Variants in ASIC2 observed in about 807,000 individuals in gnomAD.
The protein encoded by ASIC2 is acid-sensing ion channel 2.
A neutral mutation model predicts 57.3 loss-of-function variants in ASIC2; 25 were observed. The observed-to-expected ratio is 0.44, with a 90% CI of 0.32 to 0.61. ASIC2 has a LOEUF of 0.61. Ranked by LOEUF, ASIC2 falls within the 20% of genes least tolerant of loss-of-function variation. The probability of loss-of-function intolerance (pLI) is 0.06; values close to 1 mark genes in which losing one functional copy is unlikely to be tolerated. For missense variants in ASIC2, 641 were observed against 738.1 expected (o/e 0.87, Z 1.52); for synonymous variants, 319 against 307.5 (o/e 1.04, Z -0.39).
chr17:33,924,059 T>A (rs1874739523), intron 1 of ASIC2, among the ~76,000 whole-genome samples: 1 of 152,232 alleles, frequency 6.6e-6, no homozygotes, highest in African/African-American at 2.4e-5. Flanking sequence ...TCTCTTTATT[T>A]CTGTTTCCTC....
At chr17:33,073,794 C>G (rs1209680537) in intron 3 of ASIC2, among the ~76,000 whole-genome samples, 1 of 152,170 alleles carries the variant, frequency 6.6e-6, no homozygotes, top group Non-Finnish European at 1.5e-5. Context: ...TCATCGGAAG[C>G]TGCTTTACCC....
At chr17:33,450,597 T>C (rs1912209642) in intron 1 of ASIC2, among the ~76,000 whole-genome samples, 1 of 152,220 alleles carries the variant, frequency 6.6e-6, no homozygotes, top group African/African-American at 2.4e-5. Flanking sequence ...CAATAAACAA[T>C]ATGAGTGTAC....
At chr17:34,025,470 T>A (rs1907341101) in intron 1 of ASIC2, among the ~76,000 whole-genome samples, 1 of 152,176 alleles carries the variant, frequency 6.6e-6, no homozygotes, top group Non-Finnish European at 1.5e-5. Flanking sequence ...CGACCTTGCA[T>A]AAACATTCAG....
At chr17:33,163,494 G>T (rs1460218276) in intron 1 of ASIC2, among the ~76,000 whole-genome samples, 1 of 151,972 alleles carries the variant, frequency 6.6e-6, no homozygotes, top group East Asian at 1.9e-4. Flanking sequence ...TCCTGCCACT[G>T]CTGATGGGGG....
chr17:33,274,854 T>C (rs1904641789), intron 1 of ASIC2, among the ~76,000 whole-genome samples: 1 of 152,162 alleles, frequency 6.6e-6, no homozygotes, highest in African/African-American at 2.4e-5. Flanking sequence ...AGAGTGCAAC[T>C]CTGGTCTCCT....
chr17:33,055,410 T>A (rs568284597), intron 3 of ASIC2, among the ~76,000 whole-genome samples: 1 of 152,258 alleles, frequency 6.6e-6, no homozygotes, highest in South Asian at 2.1e-4. Context: ...GCCTCTGGGG[T>A]CAGCCAGCCT....
At chr17:33,492,819 G>A (rs1004877735) in intron 1 of ASIC2, among the ~76,000 whole-genome samples, 3 of 152,174 alleles carry the variant, frequency 2.0e-5, no homozygotes, top group African/African-American at 4.8e-5. Context: ...AGAAGAGGGT[G>A]GTTGCTTTGT....
intron 1 of ASIC2, among the ~76,000 whole-genome samples, chr17:33,591,780 C>G (rs779949567): frequency 1.3e-5 from 2 of 152,178 alleles, no homozygotes; most frequent in African/African-American, 2.4e-5. Flanking sequence ...TGGGATCAAG[C>G]TGAGAATGAC....
At chr17:33,561,419 A>G (rs1485908377) in intron 1 of ASIC2, among the ~76,000 whole-genome samples, 2 of 152,226 alleles carry the variant, frequency 1.3e-5, no homozygotes, top group Admixed American at 1.3e-4. Flanking sequence ...ATGCAATGCA[A>G]CATTTATAAA....
At chr17:33,617,487 A>T (rs920023154) in intron 1 of ASIC2, among the ~76,000 whole-genome samples, 15 of 151,262 alleles carry the variant, frequency 9.9e-5, no homozygotes, top group African/African-American at 1.7e-4. Context: ...AACAAACACC[A>T]GGGACTACTG....
chr17:33,736,431 A>G (rs1822965050), intron 1 of ASIC2, among the ~76,000 whole-genome samples: 1 of 152,140 alleles, frequency 6.6e-6, no homozygotes, highest in South Asian at 2.1e-4. Flanking sequence ...TCTACACTCA[A>G]GCCACTGTAT....
intron 1 of ASIC2, among the ~76,000 whole-genome samples, chr17:33,192,628 C>A (rs1448936380): frequency 1.3e-5 from 2 of 152,138 alleles, no homozygotes; most frequent in Non-Finnish European, 2.9e-5. Flanking sequence ...TGTGAAGAAG[C>A]AACCATGGTC....
intron 1 of ASIC2, among the ~76,000 whole-genome samples, chr17:33,484,952 G>T (rs901986903): frequency 9.2e-5 from 14 of 152,242 alleles, no homozygotes; most frequent in Non-Finnish European, 1.6e-4. Flanking sequence ...GCACACCTAT[G>T]GGGTAGCCCT....
intron 1 of ASIC2, among the ~76,000 whole-genome samples, chr17:33,420,671 G>A (rs1597722457): frequency 6.6e-6 from 1 of 152,182 alleles, no homozygotes; most frequent in Non-Finnish European, 1.5e-5. Flanking sequence ...TAGTAAGCCA[G>A]TCCACCCCCC....
In ASIC2 at chr17:33,897,277, T is replaced by C. The variant is rs916642395; in HGVS notation, c.555+258701A>G. Among the ~76,000 whole-genome samples the C allele has an allele frequency of 1.2e-3, 189 of 152,304 alleles. 1 individual carries two copies. The highest frequency in any genetic ancestry group is 4.5e-3 in the African/African-American group (185 of 41,560). ...TCAATGATATTCTGCACAGCATCTA[T>C]CAAATGTCCTCTTGTTGCTCCTAAA... On this transcript the variant is annotated intron_variant, in intron 1 of 9. Coordinates refer to the ASIC2 transcript ENST00000359872.
intron 1 of ASIC2, among the ~76,000 whole-genome samples, chr17:33,199,933 C>A (rs140796081): frequency 6.6e-6 from 1 of 152,146 alleles, no homozygotes; most frequent in Non-Finnish European, 1.5e-5. Flanking sequence ...TGCCTCCTTG[C>A]GTTCCCTATC....
chr17:33,359,824 G>A (rs1380035353), intron 1 of ASIC2, among the ~76,000 whole-genome samples: 5 of 152,184 alleles, frequency 3.3e-5, no homozygotes, highest in Non-Finnish European at 5.9e-5. Flanking sequence ...AAGTGACTTT[G>A]AGAAAGGAAG....
Position 33,743,308 on chromosome 17 carries a change from A to G in ASIC2, c.555+412670T>C, listed in dbSNP as rs150228769. ...GAGGGACTGTGGCACTTGAGCCACA[A>G]CTTGCTCCCTATCTTCCACCCACTA... On this transcript the variant is annotated intron_variant, in intron 1 of 9. Transcript: ENST00000359872. Among the ~76,000 whole-genome samples, 7 of 152,380 alleles carry G rather than the reference A, an allele frequency of 4.6e-5. No individual in the cohort carries two copies. The East Asian group carries it at 1.3e-3, about 29-fold the overall frequency.
intron 1 of ASIC2, among the ~76,000 whole-genome samples, chr17:33,288,715 G>GACACACACACACAC (rs56013728): frequency 1.2e-4 from 17 of 143,502 alleles, no homozygotes; most frequent in Non-Finnish European, 1.5e-4. Flanking sequence ...AGCTCTCTCT[G>GACACACACACACAC]ACACACACAC....
Sources: gnomAD v4.1 joint callset for allele counts (sites outside exome capture counted in the v4.1 genomes callset) on GRCh38, gnomAD v4.1.1 for gene constraint, MANE v1.5 for transcripts, NCBI Gene and HGNC (gene_info 2026-07-23, HGNC 2026-07-21) for gene names.